Variants in RAB38 observed in about 807,000 individuals in gnomAD.
RAB38 encodes RAB38, member RAS oncogene family, also known as ras-related protein Rab-38.
A neutral mutation model predicts 18.4 loss-of-function variants in RAB38; 15 were observed. The observed-to-expected ratio is 0.82, with a 90% CI of 0.55 to 1.26. RAB38 has a LOEUF of 1.26. Among genes scored for constraint, RAB38 ranks in the 50% most tolerant of loss-of-function variants. RAB38 has a pLI of 0.00. For missense variants in RAB38, 294 were observed against 267.4 expected (o/e 1.10, Z -0.69); for synonymous variants, 101 against 104.4 (o/e 0.97, Z 0.20).
chr11:87,927,178 C>T, the RAB38 span, among the ~76,000 whole-genome samples: 2 of 151,976 alleles, frequency 1.3e-5, no homozygotes, highest in African/African-American at 4.8e-5. Context: ...TATAAATAGA[C>T]TTGCAGTGTT....
the RAB38 span, among the ~76,000 whole-genome samples, chr11:88,091,710 A>T: frequency 1.3e-5 from 2 of 151,982 alleles, no homozygotes; most frequent in African/African-American, 4.8e-5. Context: ...CAGGACAGGC[A>T]AGCCCCAGCA....
At chr11:87,942,773 A>C in the RAB38 span, among the ~76,000 whole-genome samples, 2 of 152,148 alleles carry the variant, frequency 1.3e-5, no homozygotes, top group South Asian at 4.1e-4. Context: ...GCACACCCAC[A>C]ATTCTCACTT....
chr11:88,082,678 C>T, the RAB38 span, among the ~76,000 whole-genome samples: 1 of 151,882 alleles, frequency 6.6e-6, no homozygotes, highest in African/African-American at 2.4e-5. Flanking sequence ...CAAGCTCCAT[C>T]TTTAACATTT....
At chr11:87,935,817 A>G in the RAB38 span, among the ~76,000 whole-genome samples, 1 of 152,216 alleles carries the variant, frequency 6.6e-6, no homozygotes, top group African/African-American at 2.4e-5. Context: ...TTGAAGAATG[A>G]TATGTAAATA....
At chr11:88,146,372 T>C (rs947608927) in intron 2 of RAB38, among the ~76,000 whole-genome samples, 2 of 152,186 alleles carry the variant, frequency 1.3e-5, no homozygotes, top group South Asian at 2.1e-4. Flanking sequence ...GTTTCAGCAA[T>C]GTGAAGAAAG....
At chr11:87,896,892 C>T in the RAB38 span, among the ~76,000 whole-genome samples, 1 of 151,760 alleles carries the variant, frequency 6.6e-6, no homozygotes, top group East Asian at 2.0e-4. Context: ...TTCCACTCTG[C>T]ATTCAGATTA....
chr11:87,861,123 T>G, the RAB38 span, among the ~76,000 whole-genome samples: 3 of 151,800 alleles, frequency 2.0e-5, no homozygotes, highest in African/African-American at 7.3e-5. Flanking sequence ...AAGACAATAT[T>G]GAAAATAAAG....
At chr11:88,083,298 A>C in the RAB38 span, among the ~76,000 whole-genome samples, 1 of 151,890 alleles carries the variant, frequency 6.6e-6, no homozygotes, top group Non-Finnish European at 1.5e-5. Context: ...ATACATAATA[A>C]TATGTGCATT....
the RAB38 span, among the ~76,000 whole-genome samples, chr11:88,029,463 G>A: frequency 4.1e-4 from 62 of 152,250 alleles, no homozygotes; most frequent in East Asian, 0.011. Context: ...AGACCCATCA[G>A]TGTGCGGTAT....
Position 88,114,062 on chromosome 11 carries a change from T to C in RAB38, c.562A>G (p.Ile188Val), listed in dbSNP as rs1354873384. 3 of 1,614,196 alleles carry C rather than the reference T, an allele frequency of 1.9e-6. No individual in the cohort carries two copies. The highest frequency in any genetic ancestry group is 1.1e-5 in the South Asian group (1 of 91,076). Residue 188 changes from isoleucine to valine, a missense_variant, in exon 3 of 3, where the codon ATT (isoleucine) becomes GTT (valine). By Grantham distance (29) the Ile-to-Val change is conservative (BLOSUM62 3). Transcript: ENST00000243662. ...TGGGGCTTCACGACGTCCGGCTCAA[T>C]AGACTCCATTAGGTCACACTCATTT... Reference protein sequence around the residue: ...LANECDLMESIEPDVVKPHLT... With the variant: ...LANECDLMESVEPDVVKPHLT...
At chr11:87,918,983 T>A in the RAB38 span, among the ~76,000 whole-genome samples, 15 of 151,948 alleles carry the variant, frequency 9.9e-5, no homozygotes, top group African/African-American at 2.9e-4. Context: ...TCCCCATATG[T>A]TTTCTTATAC....
chr11:87,944,345 A>T, the RAB38 span, among the ~76,000 whole-genome samples: 1 of 152,162 alleles, frequency 6.6e-6, no homozygotes, highest in African/African-American at 2.4e-5. Flanking sequence ...GCACGTTTGT[A>T]TTTGGGTTAG....
chr11:87,861,691 C>T, the RAB38 span, among the ~76,000 whole-genome samples: 29 of 151,866 alleles, frequency 1.9e-4, no homozygotes, highest in African/African-American at 4.1e-4. Flanking sequence ...AGTCCTCCAC[C>T]GCAACAATGC....
the RAB38 span, among the ~76,000 whole-genome samples, chr11:88,018,460 C>A: frequency 6.6e-6 from 1 of 152,088 alleles, no homozygotes; most frequent in African/African-American, 2.4e-5. Flanking sequence ...TCTACAATAA[C>A]CCCATTTATC....
chr11:87,809,654 C>G, the RAB38 span, among the ~76,000 whole-genome samples: 4 of 151,322 alleles, frequency 2.6e-5, no homozygotes, highest in South Asian at 6.3e-4. Flanking sequence ...AAAGAATAAT[C>G]AGAGGAAGCA....
At chr11:88,063,994 G>A in the RAB38 span, among the ~76,000 whole-genome samples, 1 of 152,186 alleles carries the variant, frequency 6.6e-6, no homozygotes, top group African/African-American at 2.4e-5. Context: ...CGTTTGAAAT[G>A]AGATTTTCTA....
the RAB38 span, among the ~76,000 whole-genome samples, chr11:88,071,896 A>G: frequency 6.6e-6 from 1 of 152,222 alleles, no homozygotes; most frequent in Admixed American, 6.5e-5. Context: ...TGGTACCAAC[A>G]AAACAGCTCA....
the RAB38 span, among the ~76,000 whole-genome samples, chr11:88,106,016 T>C: frequency 1.3e-5 from 2 of 152,146 alleles, no homozygotes; most frequent in Non-Finnish European, 2.9e-5. Context: ...TAAAATAAAA[T>C]GCAGAATGTC....
At chr11:87,963,515 T>C in the RAB38 span, among the ~76,000 whole-genome samples, 2 of 152,106 alleles carry the variant, frequency 1.3e-5, no homozygotes, top group Admixed American at 6.6e-5. Flanking sequence ...CACTCAAAAG[T>C]CTATGCAACA....
Sources: gnomAD v4.1 joint callset for allele counts (sites outside exome capture counted in the v4.1 genomes callset) on GRCh38, gnomAD v4.1.1 for gene constraint, MANE v1.5 for transcripts, NCBI Gene and HGNC (gene_info 2026-07-23, HGNC 2026-07-21) for gene names.